SLC35F4: variants seen among roughly 807,000 people sequenced by gnomAD.
SLC35F4 encodes chromosome 14 open reading frame 36.
In SLC35F4, 24 loss-of-function variants were observed where a neutral mutation model predicts 44.2. The observed-to-expected ratio is 0.54, with a 90% confidence interval of 0.39 to 0.76. The LOEUF (loss-of-function observed/expected upper bound fraction) is 0.76, where lower values mean the gene tolerates loss of function less well. Among genes scored for constraint, SLC35F4 ranks in the 30% least tolerant of loss-of-function variants. The pLI is 0.00. For synonymous variants in SLC35F4, 238 were observed against 223.6 expected (o/e 1.06, Z -0.57); for missense variants, 562 against 586.1 (o/e 0.96, Z 0.42).
At chr14:57,658,380 ATC>A (rs1454195391) in intron 1 of SLC35F4, among the ~76,000 whole-genome samples, 1 of 152,216 alleles carries the variant, frequency 6.6e-6, no homozygotes, top group Non-Finnish European at 1.5e-5. Flanking sequence ...AAATGGAAAT[ATC>A]TGTGTTGAAA....
At chr14:57,967,482 C>T (rs1210424690) in intron 1 of SLC35F4, among the ~76,000 whole-genome samples, 2 of 152,204 alleles carry the variant, frequency 1.3e-5, no homozygotes, top group Non-Finnish European at 2.9e-5. Flanking sequence ...ATACTGTACA[C>T]AGTCTTCTAC....
intron 1 of SLC35F4, among the ~76,000 whole-genome samples, chr14:57,932,706 G>A (rs1021859228): frequency 6.6e-6 from 1 of 152,046 alleles, no homozygotes; most frequent in Non-Finnish European, 1.5e-5. Flanking sequence ...AAAATTAGTT[G>A]AGCATGGTGG....
chr14:57,788,975 T>C (rs1381235288), intron 1 of SLC35F4, among the ~76,000 whole-genome samples: 1 of 152,088 alleles, frequency 6.6e-6, no homozygotes, highest in Non-Finnish European at 1.5e-5. Flanking sequence ...AGAACAAAGA[T>C]AAAGTGTACC....
At chr14:57,654,480 T>A (rs569982516) in intron 1 of SLC35F4, among the ~76,000 whole-genome samples, 56 of 152,328 alleles carry the variant, frequency 3.7e-4, no homozygotes, top group Non-Finnish European at 5.4e-4. Flanking sequence ...ATTTTCTTTA[T>A]CCACTCGTTG....
chr14:57,595,015 A>G (rs1045114832), intron 1 of SLC35F4, among the ~76,000 whole-genome samples: 1 of 152,236 alleles, frequency 6.6e-6, no homozygotes, highest in Non-Finnish European at 1.5e-5. Flanking sequence ...TAAGAGATTA[A>G]CACTGGTACA....
chr14:57,644,461 G>GT (rs36133820), intron 1 of SLC35F4, among the ~76,000 whole-genome samples: 86,121 of 148,448 alleles, frequency 0.58, 25,907 homozygotes, highest in Non-Finnish European at 0.68. Flanking sequence ...TTTTTGATGG[G>GT]TTTTTTTTTT....
rs1349783861 is a variant in SLC35F4, at chr14:57,791,326, G to C, written c.103+74397C>G. On this transcript the variant is annotated intron_variant, in intron 1 of 7. Transcript: ENST00000556826. ...CAACCCCATCAAAAAATGGACAAAG[G>C]ATATGAACACTTTTCAAAAGAAGAT... Among the ~76,000 whole-genome samples the C allele has an allele frequency of 5.9e-5, 9 of 152,002 alleles. No individual in the cohort carries two copies. The East Asian group carries it at 1.7e-3, about 29-fold the overall frequency.
chr14:57,872,754 C>T (rs1015482653), intron 1 of SLC35F4, among the ~76,000 whole-genome samples: 1 of 152,278 alleles, frequency 6.6e-6, no homozygotes, highest in South Asian at 2.1e-4. Context: ...ACTTTTGCAG[C>T]CTCTTGCCCA....
chr14:57,698,975 C>G (rs2075459916), intron 1 of SLC35F4, among the ~76,000 whole-genome samples: 1 of 151,852 alleles, frequency 6.6e-6, no homozygotes, highest in Admixed American at 6.6e-5. Context: ...ACAGCAGATG[C>G]CAACCAAAAA....
chr14:57,731,168 C>G (rs1027557894), intron 1 of SLC35F4, among the ~76,000 whole-genome samples: 2 of 151,948 alleles, frequency 1.3e-5, no homozygotes, highest in African/African-American at 4.8e-5. Context: ...CTCAAAAACC[C>G]ACAGCAGAGC....
At position 57,865,751 on chromosome 14, in the gene SLC35F4, G is replaced by A. The variant is rs1371493426; in HGVS notation, c.75C>T (p.Gly25=). ...DRILRITGYY[G]YYPGYSSQKS... ...TCTGGCTGGAGTAACCTGGATAATA[G>A]CCATAGTAGCCGGTGATCCGCAGGA... is the stretch of plus-strand genomic sequence containing the variant. Residue 25 remains glycine, a synonymous_variant, in exon 1 of 8, where the codon GGC becomes GGT. Coordinates refer to ENST00000556826, the MANE Select transcript of SLC35F4 (RefSeq NM_001306087.2). The A allele has an allele frequency of 7.9e-6, 12 of 1,523,914 alleles. No individual in the cohort carries two copies. The highest frequency in any genetic ancestry group is 9.6e-6 in the Non-Finnish European group (11 of 1,141,992). The allele number at this position is 1,523,914 out of a possible 1,614,324, so 94.4% of individuals were successfully genotyped here.
intron 5 of SLC35F4, 111 bp downstream of exon 5, chr14:57,571,783 T>TC: frequency 1.4e-6 from 2 of 1,392,276 alleles, no homozygotes; most frequent in Non-Finnish European, 1.9e-6. Flanking sequence ...TACTATTATT[T>TC]CAACACATCT....
At chr14:57,656,207 G>A (rs17724877) in intron 1 of SLC35F4, among the ~76,000 whole-genome samples, 6,233 of 151,892 alleles carry the variant, frequency 0.041, 210 homozygotes, top group Non-Finnish European at 0.067. Context: ...GGTTTCGTGT[G>A]TGTGTGTACA....
intron 1 of SLC35F4, among the ~76,000 whole-genome samples, chr14:57,632,996 C>T (rs1176773539): frequency 6.6e-6 from 1 of 152,096 alleles, no homozygotes; most frequent in Non-Finnish European, 1.5e-5. Context: ...AGTATATAGA[C>T]TTCTCAGATT....
chr14:57,882,324 GGGAGAA>G (rs1295787264), intron 1 of SLC35F4, among the ~76,000 whole-genome samples: 2 of 152,258 alleles, frequency 1.3e-5, no homozygotes, highest in Non-Finnish European at 2.9e-5. Context: ...GTGAAAATCA[GGGAGAA>G]GTCTCTCTGT....
intron 1 of SLC35F4, among the ~76,000 whole-genome samples, chr14:57,745,014 G>A (rs766792487): frequency 6.6e-6 from 1 of 151,146 alleles, no homozygotes; most frequent in Non-Finnish European, 1.5e-5. Context: ...TTTAATAAAT[G>A]GTGCTGGCTA....
intron 1 of SLC35F4, among the ~76,000 whole-genome samples, chr14:57,981,202 G>A (rs1055101783): frequency 2.0e-5 from 3 of 152,192 alleles, no homozygotes; most frequent in Non-Finnish European, 4.4e-5. Context: ...CTTGTTTTCT[G>A]TCCTCTGAAC....
intron 1 of SLC35F4, among the ~76,000 whole-genome samples, chr14:57,628,445 C>T (rs998366141): frequency 1.4e-5 from 2 of 141,128 alleles, no homozygotes; most frequent in Non-Finnish European, 3.1e-5. Context: ...TATCCCTCCC[C>T]TAGCCTCCCA....
At chr14:57,880,447 C>T (rs1052710299) in intron 1 of SLC35F4, among the ~76,000 whole-genome samples, 4 of 152,102 alleles carry the variant, frequency 2.6e-5, no homozygotes, top group African/African-American at 9.7e-5. Context: ...AAATTCCCAT[C>T]CTCATCTGGA....
Sources: allele counts gnomAD v4.1 joint callset (sites outside exome capture counted in the v4.1 genomes callset), GRCh38; gene constraint gnomAD v4.1.1; transcripts MANE v1.5; gene names NCBI Gene and HGNC (gene_info 2026-07-23, HGNC 2026-07-21).